PTPRT: variants seen among roughly 807,000 people sequenced by gnomAD.
The protein encoded by PTPRT is protein tyrosine phosphatase receptor type T, also known as receptor-type tyrosine-protein phosphatase T.
A neutral mutation model predicts 176.8 loss-of-function variants in PTPRT; 56 were observed. That is an observed-to-expected ratio of 0.32 (90% CI 0.26 to 0.40). PTPRT has a LOEUF of 0.40. Among genes scored for constraint, PTPRT ranks in the 10% least tolerant of loss-of-function variants. PTPRT has a pLI of 1.00. For missense variants in PTPRT, 1,540 were observed against 1,908.2 expected (o/e 0.81, Z 3.60); for synonymous variants, 783 against 739.0 (o/e 1.06, Z -0.96).
At chr20:42,789,239 A>G (rs2077338001) in intron 3 of PTPRT, among the ~76,000 whole-genome samples, 1 of 152,244 alleles carries the variant, frequency 6.6e-6, no homozygotes, top group Admixed American at 6.5e-5. Flanking sequence ...GATTGATTAC[A>G]TGTCCAAGTG....
In PTPRT at chr20:42,276,151, AGT is replaced by A. The variant is rs2057025749; in HGVS notation, c.2176+6336_2176+6337del. 2.0e-5 allele frequency among the ~76,000 whole-genome samples: 3 copies of A among 152,192 alleles called. No homozygotes were observed. In the South Asian group the frequency reaches 6.2e-4, roughly 32 times the overall value. ...GCTGGTCTGGTGATGAAGAAAGGAC[AGT>A]GTCATAGTCAAGGCTAGAAAAGGGA... On this transcript the variant is annotated intron_variant, in intron 13 of 30. Coordinates refer to ENST00000373187, the MANE Select transcript of PTPRT (RefSeq NM_007050.6).
chr20:42,196,815 A>G (rs1476566721), intron 16 of PTPRT, among the ~76,000 whole-genome samples: 1 of 152,162 alleles, frequency 6.6e-6, no homozygotes, highest in Admixed American at 6.5e-5. Flanking sequence ...CCTAAGAAAA[A>G]CAGATGTTAA....
intron 12 of PTPRT, among the ~76,000 whole-genome samples, chr20:42,291,867 A>G (rs2057321791): frequency 6.6e-6 from 1 of 152,172 alleles, no homozygotes; most frequent in African/African-American, 2.4e-5. Flanking sequence ...GGAAGTCATT[A>G]AAGAGCTATT....
At chr20:43,144,023 A>G (rs2014094624) in intron 1 of PTPRT, among the ~76,000 whole-genome samples, 1 of 152,192 alleles carries the variant, frequency 6.6e-6, no homozygotes, top group Non-Finnish European at 1.5e-5. Flanking sequence ...TTCCATCCAC[A>G]GCTACATAGA....
At chr20:42,906,718 C>A (rs1284477312) in intron 1 of PTPRT, among the ~76,000 whole-genome samples, 4 of 152,208 alleles carry the variant, frequency 2.6e-5, no homozygotes, top group South Asian at 2.1e-4. Flanking sequence ...GTGAGCCACA[C>A]CCCCATCACA....
chr20:43,083,333 T>TATATATATATACAC (rs2011498672), intron 1 of PTPRT, among the ~76,000 whole-genome samples: 3 of 100,570 alleles, frequency 3.0e-5, no homozygotes, highest in African/African-American at 1.3e-4. Flanking sequence ...TATATATATA[T>TATATATATATACAC]ATATATATAT....
chr20:42,449,979 AT>A (rs1197892356), intron 8 of PTPRT, among the ~76,000 whole-genome samples: 1 of 152,232 alleles, frequency 6.6e-6, no homozygotes, highest in Admixed American at 6.5e-5. Context: ...TTTTAAAAAA[AT>A]GTTAACTCCT....
intron 2 of PTPRT, among the ~76,000 whole-genome samples, chr20:42,809,517 C>A (rs1312715454): frequency 6.6e-6 from 1 of 152,192 alleles, no homozygotes; most frequent in Admixed American, 6.5e-5. Flanking sequence ...GCTGCCGGAA[C>A]AAATTACCAC....
chr20:42,256,938 A>G (rs188842539), intron 13 of PTPRT, among the ~76,000 whole-genome samples: 2 of 152,332 alleles, frequency 1.3e-5, no homozygotes, highest in East Asian at 3.9e-4. Context: ...CCTGAGCCCA[A>G]GAGAAAGAAG....
chr20:42,085,046 C>T (rs999125531), intron 28 of PTPRT, among the ~76,000 whole-genome samples: 2 of 152,168 alleles, frequency 1.3e-5, no homozygotes, highest in African/African-American at 4.8e-5. Context: ...CCTGAACCCC[C>T]TTTTGTACCT....
intron 18 of PTPRT, among the ~76,000 whole-genome samples, chr20:42,135,160 C>T (rs1019353509): frequency 6.6e-6 from 1 of 152,204 alleles, no homozygotes. Context: ...AGTCTGAAGG[C>T]AGACCTGAGG....
chr20:42,057,655 T>C, the PTPRT span, among the ~76,000 whole-genome samples: 1 of 152,102 alleles, frequency 6.6e-6, no homozygotes, highest in South Asian at 2.1e-4. Context: ...GTGGTGCAAT[T>C]ATAGCTCACT....
chr20:42,580,618 A>C (rs1044794211), intron 7 of PTPRT, among the ~76,000 whole-genome samples: 2 of 151,956 alleles, frequency 1.3e-5, no homozygotes, highest in African/African-American at 4.8e-5. Flanking sequence ...GAGGTCCTTC[A>C]CATCCTTTGT....
intron 5 of PTPRT, among the ~76,000 whole-genome samples, chr20:42,770,039 G>T (rs1198688844): frequency 1.3e-5 from 2 of 152,192 alleles, no homozygotes; most frequent in Admixed American, 6.5e-5. Flanking sequence ...CTTGATTGTG[G>T]TAATAGTTTC....
At chr20:42,432,799 C>A (rs1670360162) in intron 9 of PTPRT, among the ~76,000 whole-genome samples, 2 of 152,160 alleles carry the variant, frequency 1.3e-5, no homozygotes, top group Non-Finnish European at 2.9e-5. Flanking sequence ...TATAAGCCCT[C>A]ACTTCAGGAT....
intron 13 of PTPRT, among the ~76,000 whole-genome samples, chr20:42,253,136 G>A (rs920026674): frequency 3.9e-5 from 6 of 152,186 alleles, no homozygotes; most frequent in African/African-American, 1.4e-4. Flanking sequence ...GATGGACAGA[G>A]GATGGGAGGG....
At chr20:42,677,829 C>T (rs931301630) in intron 7 of PTPRT, 37 bp downstream of exon 7, 4 of 1,576,094 alleles carry the variant, frequency 2.5e-6, no homozygotes, top group Non-Finnish European at 2.6e-6. Flanking sequence ...ATAGCACAGC[C>T]TCTCATAATG....
chr20:42,826,344 A>T (rs2077992919), intron 2 of PTPRT, among the ~76,000 whole-genome samples: 1 of 152,216 alleles, frequency 6.6e-6, no homozygotes, highest in African/African-American at 2.4e-5. Context: ...ATCCATAAAA[A>T]TCCAGTTTAC....
chr20:42,062,066 A>T, the PTPRT span, among the ~76,000 whole-genome samples: 9 of 152,280 alleles, frequency 5.9e-5, no homozygotes, highest in East Asian at 1.7e-3. Context: ...TGATGTTGAT[A>T]TCCCCTACAG....
Sources: gnomAD v4.1 joint callset for allele counts (sites outside exome capture counted in the v4.1 genomes callset) on GRCh38, gnomAD v4.1.1 for gene constraint, MANE v1.5 for transcripts, NCBI Gene and HGNC (gene_info 2026-07-23, HGNC 2026-07-21) for gene names.